CDH4: variants seen among roughly 807,000 people sequenced by gnomAD.
CDH4 encodes cadherin-4.
CDH4 carries 33 observed loss-of-function variants against 86.0 expected under a neutral mutation model. The observed-to-expected ratio is 0.38, with a 90% confidence interval of 0.29 to 0.51. CDH4 has a LOEUF of 0.51. CDH4 is among the 20% of genes least tolerant of loss of function. The probability of loss-of-function intolerance (pLI) is 0.86; values close to 1 mark genes in which losing one functional copy is unlikely to be tolerated. For synonymous variants in CDH4, 555 were observed against 549.4 expected (o/e 1.01, Z -0.14); for missense variants, 1,114 against 1,307.4 (o/e 0.85, Z 2.28).
intron 2 of CDH4, among the ~76,000 whole-genome samples, chr20:61,456,195 C>T (rs1739179807): frequency 6.6e-6 from 1 of 152,164 alleles, no homozygotes; most frequent in South Asian, 2.1e-4. Flanking sequence ...CTGCAAAACC[C>T]TCAGGAACCT....
chr20:61,627,935 T>G (rs141767335), intron 2 of CDH4, among the ~76,000 whole-genome samples: 2,576 of 152,050 alleles, frequency 0.017, 66 homozygotes, highest in African/African-American at 0.058. Context: ...GCCAGCCGCC[T>G]CCTGGGCCCC....
intron 2 of CDH4, among the ~76,000 whole-genome samples, chr20:61,292,358 G>A (rs1010427123): frequency 1.3e-5 from 2 of 152,354 alleles, no homozygotes; most frequent in East Asian, 3.9e-4. Flanking sequence ...GAGTTGATAA[G>A]GATGTGAAAC....
At chr20:61,534,740 T>C (rs150336406) in intron 2 of CDH4, among the ~76,000 whole-genome samples, 63 of 136,380 alleles carry the variant, frequency 4.6e-4, no homozygotes, top group African/African-American at 1.9e-3. Context: ...ACGGCCTCCC[T>C]TGCTGGGACG....
At chr20:61,588,230 G>A (rs1475900695) in intron 2 of CDH4, among the ~76,000 whole-genome samples, 1 of 152,180 alleles carries the variant, frequency 6.6e-6, no homozygotes, top group Non-Finnish European at 1.5e-5. Context: ...GTAGACTGGG[G>A]AAAACTCCAG....
In CDH4 at chr20:61,443,437, C is replaced by T. The variant is rs6061433; in HGVS notation, c.169+188500C>T. On this transcript the variant is annotated intron_variant, in intron 2 of 15. Coordinates refer to ENST00000614565, the MANE Select transcript of CDH4 (RefSeq NM_001794.5). The stretch of plus-strand genomic sequence containing the variant: ...CCGGCAGTGAAGACACTTCAAGGAG[C>T]CATTGTTCTTTTAAATTAAAACATT... 2.9e-3 allele frequency among the ~76,000 whole-genome samples: 441 copies of T among 152,268 alleles called. 3 individuals are homozygous for T. The highest frequency in any genetic ancestry group is 0.01 in the Middle Eastern group (3 of 294).
chr20:61,928,792 A>G (rs1037707712), intron 12 of CDH4, among the ~76,000 whole-genome samples: 3 of 152,234 alleles, frequency 2.0e-5, no homozygotes, highest in Admixed American at 6.5e-5. Flanking sequence ...AAGGATATCA[A>G]AATTCTCAAG....
At chr20:61,890,139 G>A (rs545755682) in intron 7 of CDH4, among the ~76,000 whole-genome samples, 67 of 147,026 alleles carry the variant, frequency 4.6e-4, no homozygotes, top group African/African-American at 1.7e-3. Flanking sequence ...TGAGTGGATG[G>A]TGGATGGTAG....
intron 2 of CDH4, among the ~76,000 whole-genome samples, chr20:61,457,811 G>A (rs867635993): frequency 4.6e-5 from 7 of 151,270 alleles, no homozygotes; most frequent in South Asian, 2.1e-4. Flanking sequence ...TGGTGGTGGC[G>A]GTGATGGTTA....
intron 2 of CDH4, among the ~76,000 whole-genome samples, chr20:61,616,211 G>A (rs1415861933): frequency 2.6e-5 from 4 of 152,254 alleles, no homozygotes; most frequent in East Asian, 1.9e-4. Flanking sequence ...CAGAAAGGCC[G>A]TGACAGGGGA....
At chr20:61,273,067 A>T (rs62199397) in intron 2 of CDH4, among the ~76,000 whole-genome samples, 2 of 40,378 alleles carry the variant, frequency 5.0e-5, no homozygotes, top group African/African-American at 1.0e-4. Flanking sequence ...GGGGAGGACC[A>T]TGTGCAGTTT....
intron 2 of CDH4, among the ~76,000 whole-genome samples, chr20:61,503,753 A>T (rs2085720845): frequency 6.6e-6 from 1 of 152,230 alleles, no homozygotes; most frequent in Non-Finnish European, 1.5e-5. Flanking sequence ...ATAACTAATG[A>T]TATAAATTAC....
chr20:61,404,470 G>C lies in CDH4; in HGVS notation c.169+149533G>C, dbSNP rs553007468. ...TCTGAAATATCCGGTGGCATTAAACGCACCCAGTGCACCTGGCTCCGGCCC... is the reference window on the plus strand; with the variant it reads ...TCTGAAATATCCGGTGGCATTAAACCCACCCAGTGCACCTGGCTCCGGCCC... On this transcript the variant is annotated intron_variant, in intron 2 of 15. Coordinates refer to ENST00000614565, the MANE Select transcript of CDH4 (RefSeq NM_001794.5). Among the ~76,000 whole-genome samples the C allele has an allele frequency of 2.2e-3, 342 of 152,128 alleles. 1 individual carries two copies. The highest frequency in any genetic ancestry group is 8.0e-3 in the African/African-American group (332 of 41,512).
At chr20:61,537,626 G>A (rs1049657012) in intron 2 of CDH4, among the ~76,000 whole-genome samples, 2 of 152,172 alleles carry the variant, frequency 1.3e-5, no homozygotes, top group Admixed American at 6.5e-5. Flanking sequence ...AAGCAGAAGC[G>A]GGCTTCGCGG....
At position 61,661,090 on chromosome 20, in the gene CDH4, G is replaced by GT. The variant is rs958309521; in HGVS notation, c.170-82473_170-82472insT. Among the ~76,000 whole-genome samples the GT allele has an allele frequency of 2.7e-4, 38 of 141,732 alleles. 6 individuals carry two copies. The East Asian group carries it at 3.5e-3, about 13-fold the overall frequency. The allele number at this position is 141,732 out of a possible 152,430, so 93.0% of individuals were successfully genotyped here. A position where few individuals can be genotyped will look rare whatever the true frequency, so the allele number is the denominator to read the frequency against. On this transcript the variant is annotated intron_variant, in intron 2 of 15. Coordinates refer to ENST00000614565, the MANE Select transcript of CDH4 (RefSeq NM_001794.5). ...GCATGGACAGGAGGCATGGCGGGGG[G>GT]GGGGGAGACACAGTGCCAGGCTCAT... is the stretch of plus-strand genomic sequence containing the variant.
intron 2 of CDH4, among the ~76,000 whole-genome samples, chr20:61,455,969 G>A (rs774586445): frequency 6.6e-5 from 10 of 151,870 alleles, no homozygotes; most frequent in Non-Finnish European, 1.5e-4. Context: ...ATGGAGAGAA[G>A]GAAGGATAGA....
intron 6 of CDH4, among the ~76,000 whole-genome samples, chr20:61,861,661 G>A (rs964422968): frequency 1.2e-4 from 18 of 151,612 alleles, no homozygotes; most frequent in African/African-American, 3.4e-4. Context: ...TCAAGGCGTC[G>A]GGCCGAGGCC....
At chr20:61,701,982 T>G (rs571275310) in intron 2 of CDH4, among the ~76,000 whole-genome samples, 42 of 152,272 alleles carry the variant, frequency 2.8e-4, no homozygotes, top group Non-Finnish European at 4.6e-4. Context: ...CGTCAGCTGA[T>G]TAGCTGGCAG....
At chr20:61,614,755 T>C (rs2086712267) in intron 2 of CDH4, among the ~76,000 whole-genome samples, 1 of 152,066 alleles carries the variant, frequency 6.6e-6, no homozygotes, top group Non-Finnish European at 1.5e-5. Context: ...GCTAAACCCA[T>C]TTCTCAAAAT....
In CDH4 at chr20:61,936,239, C is replaced by T. The variant is rs527293306; in HGVS notation, c.2545-498C>T. ...AGGAGCTGAGCTTCAGCCACATGGCCCAGCCCTCACCTCCCCCACACCACC... is the reference window on the plus strand; with the variant it reads ...AGGAGCTGAGCTTCAGCCACATGGCTCAGCCCTCACCTCCCCCACACCACC... On this transcript the variant is annotated intron_variant, in intron 15 of 15. Transcript: ENST00000614565. Among the ~76,000 whole-genome samples the T allele has an allele frequency of 2.0e-5, 3 of 150,610 alleles. No individual in the cohort carries two copies. The South Asian group carries it at 6.4e-4, about 32-fold the overall frequency.
Sources: gnomAD v4.1 joint callset for allele counts (sites outside exome capture counted in the v4.1 genomes callset) on GRCh38, gnomAD v4.1.1 for gene constraint, MANE v1.5 for transcripts, NCBI Gene and HGNC (gene_info 2026-07-23, HGNC 2026-07-21) for gene names.